Variants in NSD1 observed in about 807,000 individuals in gnomAD.
NSD1 encodes the protein histone-lysine N-methyltransferase, H3 lysine-36 specific.
A neutral mutation model predicts 242.7 loss-of-function variants in NSD1; 26 were observed. That is an observed-to-expected ratio of 0.11 (90% CI 0.08 to 0.15). The LOEUF is 0.15. Ranked by LOEUF, NSD1 falls within the 10% of genes least tolerant of loss-of-function variation. The pLI, the probability that NSD1 is intolerant of heterozygous loss-of-function variation, is 1.00. For synonymous variants in NSD1, 1,106 were observed against 1,178.1 expected, an observed-to-expected ratio of 0.94 and a Z score of 1.25; for missense variants, 2,495 against 3,272.8, an observed-to-expected ratio of 0.76 and a Z score of 5.80.
At chr5:177,248,466 G>C (rs1766473183) in intron 11 of NSD1, 142 bp downstream of exon 11, 2 of 1,157,190 alleles carry the variant, frequency 1.7e-6, no homozygotes, top group Non-Finnish European at 2.5e-6. Context: ...TTAAGGATTT[G>C]ACCCCTTTTT....
chr5:177,286,604 C>T (rs1282176839), intron 20 of NSD1, among the ~76,000 whole-genome samples: 2 of 152,300 alleles, frequency 1.3e-5, no homozygotes, highest in Middle Eastern at 3.4e-3. Context: ...GGATGTCACA[C>T]CTCTCTCATT....
intron 12 of NSD1, among the ~76,000 whole-genome samples, chr5:177,253,788 T>G (rs1420576937): frequency 2.0e-5 from 3 of 152,028 alleles, no homozygotes; most frequent in African/African-American, 4.8e-5. Flanking sequence ...GCTTGCCACA[T>G]GCCTGGCTAA....
At chr5:177,253,992 T>C (rs1005063376) in intron 12 of NSD1, among the ~76,000 whole-genome samples, 1 of 152,130 alleles carries the variant, frequency 6.6e-6, no homozygotes, top group African/African-American at 2.4e-5. Context: ...TCTTGCACTG[T>C]CACCCGGGCT....
chr5:177,166,084 AT>A (rs946263245), intron 2 of NSD1, among the ~76,000 whole-genome samples: 14 of 144,940 alleles, frequency 9.7e-5, no homozygotes, highest in Admixed American at 1.4e-4. Flanking sequence ...TAATTTTTGT[AT>A]TTTTTTTTTA....
intron 14 of NSD1, among the ~76,000 whole-genome samples, chr5:177,261,641 A>G (rs947248031): frequency 2.5e-4 from 38 of 152,072 alleles, no homozygotes; most frequent in Non-Finnish European, 5.0e-4. Flanking sequence ...CCTTTGTACT[A>G]GAAGGATATC....
chr5:177,287,890 T>A (rs1327586466), intron 20 of NSD1, among the ~76,000 whole-genome samples: 1 of 152,188 alleles, frequency 6.6e-6, no homozygotes, highest in African/African-American at 2.4e-5. Context: ...TAAGAATGAT[T>A]TCCTTTAACA....
rs747598773 is a variant in NSD1 at position 177,211,811 on chromosome 5, G to T, written c.3412G>T (p.Asp1138Tyr). The part of the protein sequence containing the change: ...SFENGKGPEL[D>Y]SVMNSENDEL... ...TGAAAACGGAAAAGGCCCAGAGCTG[G>T]ACTCTGTAATGAACAGTGAGAATGA... is the stretch of plus-strand genomic sequence containing the variant. Residue 1138 changes from aspartate (D) to tyrosine (Y), a missense_variant, in exon 5 of 23, where the codon GAC becomes TAC. Physicochemically the swap from Asp to Tyr is radical, Grantham distance 160. Transcript: ENST00000439151. 2 of 1,614,176 alleles carry T rather than the reference G, an allele frequency of 1.2e-6. No individual in the cohort carries two copies. Among genetic ancestry groups the T allele is most frequent in the African/African-American group, 1.3e-5 (1 of 75,042 alleles).
chr5:177,277,128 A>ATTTT (rs201507053), intron 17 of NSD1, among the ~76,000 whole-genome samples: 2 of 137,872 alleles, frequency 1.5e-5, no homozygotes, highest in Non-Finnish European at 1.6e-5. Flanking sequence ...TCTTTACTCC[A>ATTTT]TTTTTTTTTT....
At chr5:177,161,668 GTTTC>G (rs1180187643) in intron 2 of NSD1, among the ~76,000 whole-genome samples, 9 of 139,846 alleles carry the variant, frequency 6.4e-5, no homozygotes, top group Non-Finnish European at 1.4e-4. Flanking sequence ...CCTGTTTTCT[GTTTC>G]TTTCTTTCTT....
At chr5:177,275,435 C>CTTT (rs749631943) in intron 17 of NSD1, among the ~76,000 whole-genome samples, 1,999 of 50,138 alleles carry the variant, frequency 0.04, 709 homozygotes, top group African/African-American at 0.11. Context: ...CTTCCCTTGT[C>CTTT]TTTTTTTTTT....
At position 177,294,741 on chromosome 5, in the gene NSD1, T is replaced by C. The variant is rs773414274; in HGVS notation, c.7373T>C (p.Leu2458Pro). The change falls in exon 23 of 23, where the codon CTC (leucine) becomes CCC (proline). Residue 2458 changes from leucine (L) to proline (P), a missense_variant. Transcript: ENST00000439151. ...AATAGAGCTGCTTTGGTGATGGATC[T>C]CATAGACCTAACTCCTCGCCAGAAG... ...SKNRAALVMDLIDLTPRQKER... is the reference protein window; with the variant it reads ...SKNRAALVMDPIDLTPRQKER... The C allele has an allele frequency of 8.7e-6, 14 of 1,614,090 alleles. No homozygotes were observed. Among genetic ancestry groups the C allele is most frequent in the Non-Finnish European group, 1.2e-5 (14 of 1,180,036 alleles).
At chr5:177,265,653 A>G in intron 14 of NSD1, 3 of 1,608,288 alleles carry the variant, frequency 1.9e-6, no homozygotes, top group Admixed American at 1.7e-5. Flanking sequence ...TCCCGGTCCC[A>G]GTTCTTGGCG....
chr5:177,265,902 C>G (rs1757399267), intron 14 of NSD1: 1 of 1,470,494 alleles, frequency 6.8e-7, no homozygotes, highest in East Asian at 2.3e-5. Context: ...AAGGTCAGGT[C>G]TTCCACCTTG....
chr5:177,290,767 C>G (rs1423390044), intron 21 of NSD1, among the ~76,000 whole-genome samples: 2 of 152,194 alleles, frequency 1.3e-5, no homozygotes, highest in African/African-American at 4.8e-5. Flanking sequence ...AGAATCACCT[C>G]TATATTATAC....
rs1299449970 is a variant in NSD1, at chr5:177,294,746, G to A, written c.7378G>A (p.Asp2460Asn). 2 of 1,614,194 alleles carry A rather than the reference G, an allele frequency of 1.2e-6. No homozygotes were observed. The highest frequency in any genetic ancestry group is 2.2e-5 in the South Asian group (2 of 91,086). ...AGCTGCTTTGGTGATGGATCTCATAGACCTAACTCCTCGCCAGAAGGAGCG... is the reference window on the plus strand; with the variant it reads ...AGCTGCTTTGGTGATGGATCTCATAAACCTAACTCCTCGCCAGAAGGAGCG... ...NRAALVMDLI[D>N]LTPRQKERAA... is the part of the protein sequence containing the mutation. The change falls in exon 23 of 23, where the codon GAC (aspartate) becomes AAC (asparagine). Residue 2460 changes from aspartate to asparagine, a missense_variant. This residue lies in a region of NSD1 where 475 missense variants were observed against 563.7 expected (regional missense o/e 0.84). Transcript: ENST00000439151.
intron 4 of NSD1, 84 bp downstream of exon 4, chr5:177,204,376 C>T (rs1762725894): frequency 7.8e-7 from 1 of 1,290,182 alleles, no homozygotes; most frequent in Non-Finnish European, 1.1e-6. Flanking sequence ...ATTTTCGAGA[C>T]AGAACTTTGC....
Position 177,269,578 on chromosome 5 carries a change from C to T in NSD1, c.5304-24C>T. The T allele has an allele frequency of 1.2e-6, 2 of 1,611,492 alleles. No individual in the cohort carries two copies. Among genetic ancestry groups the T allele is most frequent in the Non-Finnish European group, 8.5e-7 (1 of 1,177,712 alleles). On this transcript the variant is annotated intron_variant, in intron 15 of 22. Coordinates refer to ENST00000439151, the MANE Select transcript of NSD1 (RefSeq NM_022455.5). The surrounding 1 kb of genome is among the most constrained non-coding windows in gnomAD (Gnocchi z 5.1). The stretch of plus-strand genomic sequence containing the variant: ...TGCCTTGCAGCCTTCTAGAGGTTTT[C>T]CTTCTCCTTTTCACCTTTCCCAGGT...
chr5:177,214,597 G>A (rs1763620081), intron 5 of NSD1, among the ~76,000 whole-genome samples: 2 of 151,614 alleles, frequency 1.3e-5, no homozygotes, highest in South Asian at 4.2e-4. Flanking sequence ...TTTTGTGATT[G>A]GGTTATTTCA....
chr5:177,185,609 C>T (rs1395096352), intron 2 of NSD1, among the ~76,000 whole-genome samples: 3 of 140,912 alleles, frequency 2.1e-5, no homozygotes, highest in Non-Finnish European at 4.5e-5. Context: ...AAAAACAAAA[C>T]CAAATATATA....
Sources: gnomAD v4.1 joint callset for allele counts (sites outside exome capture counted in the v4.1 genomes callset) on GRCh38, gnomAD v4.1.1 for gene constraint, gnomAD v4.1.1 regional missense constraint, Gnocchi (gnomAD v3.1) non-coding constraint, MANE v1.5 for transcripts, NCBI Gene and HGNC (gene_info 2026-07-23, HGNC 2026-07-21) for gene names.